Variants in ZNF708 observed in about 807,000 individuals in gnomAD.
ZNF708 encodes the protein zinc finger protein 708.
Under a neutral mutation model 47.0 loss-of-function variants are expected in ZNF708, and 44 were observed. That is an observed-to-expected ratio of 0.94 (90% confidence interval 0.74 to 1.20). The LOEUF is 1.20. ZNF708 is among the 50% of genes most tolerant of loss of function. ZNF708 has a pLI of 0.00. For synonymous variants in ZNF708, 184 were observed against 218.5 expected, an observed-to-expected ratio of 0.84 and a Z score of 1.39; for missense variants, 557 against 656.0, an observed-to-expected ratio of 0.85 and a Z score of 1.65.
At chr19:21,300,354 A>T (rs1211316915) in intron 3 of ZNF708, among the ~76,000 whole-genome samples, 1 of 152,024 alleles carries the variant, frequency 6.6e-6, no homozygotes. Flanking sequence ...TAAAAATACA[A>T]AATTAGTCAG....
At chr19:21,296,048 T>A (rs1323504470) in intron 3 of ZNF708, among the ~76,000 whole-genome samples, 2 of 151,748 alleles carry the variant, frequency 1.3e-5, no homozygotes, top group Non-Finnish European at 2.9e-5. Flanking sequence ...AAGAAGAGAA[T>A]CTTGGGAGCT....
At chr19:21,313,413 G>C (rs1568352201) in intron 1 of ZNF708, among the ~76,000 whole-genome samples, 1 of 151,918 alleles carries the variant, frequency 6.6e-6, no homozygotes, top group African/African-American at 2.4e-5. Flanking sequence ...TTTAGATAAA[G>C]AGCCCAGCAT....
intron 1 of ZNF708, among the ~76,000 whole-genome samples, chr19:21,317,244 CACTCCAGCCTGGGCA>C (rs574416439): frequency 1.3e-5 from 2 of 152,160 alleles, no homozygotes; most frequent in East Asian, 3.9e-4. Flanking sequence ...CATGCCACTG[CACTCCAGCCTGGGCA>C]ATGCAGTGAG....
At chr19:21,302,922 A>G (rs1277346751) in intron 3 of ZNF708, among the ~76,000 whole-genome samples, 4 of 152,116 alleles carry the variant, frequency 2.6e-5, no homozygotes, top group Admixed American at 6.6e-5. Context: ...TAAAACTGGT[A>G]ATAGCAACTC....
At chr19:21,304,861 A>C (rs1599675204) in intron 3 of ZNF708, among the ~76,000 whole-genome samples, 2 of 152,292 alleles carry the variant, frequency 1.3e-5, no homozygotes, top group East Asian at 3.9e-4. Context: ...CAACAGAGTA[A>C]TATCCTGTCT....
intron 3 of ZNF708, among the ~76,000 whole-genome samples, chr19:21,296,091 G>C (rs933930197): frequency 4.0e-5 from 6 of 151,878 alleles, no homozygotes; most frequent in African/African-American, 1.2e-4. Context: ...TTATAAAAAT[G>C]TCTTATGAGA....
rs765596550 is a variant in ZNF708 at position 21,294,241 on chromosome 19, TG to T, written c.724del (p.His242IlefsTer3). On this transcript the variant is annotated frameshift_variant, in exon 4 of 4. Transcript: ENST00000356929. LOFTEE classifies it high-confidence loss of function. The stretch of plus-strand genomic sequence containing the variant: ...TTTCTCTCCAGTATGAATTATCTTA[TG>T]TCTAGTAAGAGTTGAGGACTGGTTA... ...AFNQSSTLTR[H>X]KIIHTGEKLY... The T allele has an allele frequency of 7.4e-6, 12 of 1,612,956 alleles. No individual in the cohort carries two copies.
At chr19:21,297,281 T>C (rs1372688208) in intron 3 of ZNF708, among the ~76,000 whole-genome samples, 1 of 31,068 alleles carries the variant, frequency 3.2e-5, no homozygotes, top group Non-Finnish European at 6.5e-5. Flanking sequence ...TTTTTTTTTT[T>C]TTTTTTTTTT....
In ZNF708 at chr19:21,293,291, G is replaced by A. The variant is rs1195866265; in HGVS notation, c.1675C>T (p.Pro559Ser). The A allele has an allele frequency of 3.7e-6, 6 of 1,607,096 alleles. No individual in the cohort carries two copies. Among genetic ancestry groups the A allele is most frequent in the Non-Finnish European group, 5.1e-6 (6 of 1,177,534 alleles). Residue 559 changes from proline to serine, a missense_variant, in exon 4 of 4, where the codon CCC becomes TCC. By Grantham distance (74) the Pro-to-Ser change is moderately conservative (BLOSUM62 -1). Coordinates refer to ENST00000356929, the MANE Select transcript of ZNF708 (RefSeq NM_021269.3). ...TTGACACATTATTTACATTTGTAGG[G>A]TTTCTCTTTGGTATGAATTCTCTTA... The part of the protein sequence containing the change: ...KHKRIHTKEK[P>S]YKCK
At position 21,294,124 on chromosome 19, in the gene ZNF708, T is replaced by C; in HGVS notation, c.842A>G (p.Lys281Arg). ...AAAAGCTTTGCCACATTCTTCACAT[T>C]TGTAGGGTTTCTCTCCAGTATGAAC... ...KIVHTGEKPY[K>R]CEECGKAFKQ... The change falls in exon 4 of 4, where the codon AAA becomes AGA. Residue 281 changes from lysine (K) to arginine (R), a missense_variant. Lys to Arg is a conservative substitution (Grantham distance 26). Coordinates refer to ENST00000356929, the MANE Select transcript of ZNF708 (RefSeq NM_021269.3). 6.2e-7 allele frequency: 1 copy of C among 1,613,056 alleles called. No homozygotes were observed.
intron 1 of ZNF708, among the ~76,000 whole-genome samples, chr19:21,326,688 T>C (rs1973262041): frequency 6.6e-6 from 1 of 152,164 alleles, no homozygotes; most frequent in Non-Finnish European, 1.5e-5. Flanking sequence ...CCCAACACTT[T>C]GGGAGGCCAT....
Position 21,292,981 on chromosome 19 carries a change from A to T in ZNF708, c.*293T>A. 3.6e-6 allele frequency: 1 copy of T among 278,922 alleles called. No homozygotes were observed. The highest frequency in any genetic ancestry group is 6.9e-6 in the Non-Finnish European group (1 of 145,842). 17.3% of individuals were successfully genotyped at this position (278,922 alleles called of 1,614,324 possible). On this transcript the variant is annotated 3_prime_UTR_variant, in exon 4 of 4. Coordinates refer to ENST00000356929, the MANE Select transcript of ZNF708 (RefSeq NM_021269.3). The stretch of plus-strand genomic sequence containing the variant: ...GTTCCTCACCAGTATGATTTATTTT[A>T]TGTTTAGAAAAGTTTGAGGTGTTGT...
At chr19:21,325,911 T>C (rs1973247005) in intron 1 of ZNF708, among the ~76,000 whole-genome samples, 1 of 152,030 alleles carries the variant, frequency 6.6e-6, no homozygotes, top group South Asian at 2.1e-4. Context: ...AGGATATGAA[T>C]AAACAATTCT....
chr19:21,329,184 C>A (rs1226729125), intron 1 of ZNF708, 26 bp downstream of exon 1: 1 of 1,612,010 alleles, frequency 6.2e-7, no homozygotes, highest in Admixed American at 1.7e-5. Flanking sequence ...CTTCCCCTCT[C>A]TCGGGATGTC....
In ZNF708 at chr19:21,293,265, T is replaced by C. The variant is rs759200177; in HGVS notation, c.*9A>G. 1 of 1,597,474 alleles carries C rather than the reference T, an allele frequency of 6.3e-7. No individual in the cohort carries two copies. The highest frequency in any genetic ancestry group is 8.5e-7 in the Non-Finnish European group (1 of 1,173,788). On this transcript the variant is annotated 3_prime_UTR_variant, in exon 4 of 4. Coordinates refer to ENST00000356929, the MANE Select transcript of ZNF708 (RefSeq NM_021269.3). ...TAAAAGTTGAAAATACACTAAAGGA[T>C]TTGACACATTATTTACATTTGTAGG...
intron 1 of ZNF708, among the ~76,000 whole-genome samples, chr19:21,313,544 G>A (rs1568352247): frequency 6.6e-6 from 1 of 152,034 alleles, no homozygotes; most frequent in Admixed American, 6.6e-5. Context: ...CAGATCATGA[G>A]GTCAGGAGTT....
chr19:21,312,286 T>A (rs1320208928), intron 1 of ZNF708, among the ~76,000 whole-genome samples: 1 of 74,066 alleles, frequency 1.4e-5, no homozygotes, highest in Non-Finnish European at 2.8e-5. Context: ...AGAGCGACAC[T>A]CCATCTCAAA....
chr19:21,293,042 C>T lies in ZNF708; in HGVS notation c.*232G>A, dbSNP rs1972426975. The T allele has an allele frequency of 2.0e-6, 1 of 506,892 alleles. No homozygotes were observed. Among genetic ancestry groups the T allele is most frequent in the Non-Finnish European group, 3.4e-6 (1 of 291,238 alleles). The allele number at this position is 506,892 out of a possible 1,614,324, so 31.4% of individuals were successfully genotyped here. A position where few individuals can be genotyped will look rare whatever the true frequency, so the allele number is the denominator to read the frequency against. ...GTGATGTCTTCCAGCTTTGTAGTTT[C>T]TCTCCAGTTTAAGTTTTTTTATGTT... On this transcript the variant is annotated 3_prime_UTR_variant, in exon 4 of 4. Transcript: ENST00000356929.
At chr19:21,328,948 G>C (rs1192772904) in intron 1 of ZNF708, among the ~76,000 whole-genome samples, 1 of 152,148 alleles carries the variant, frequency 6.6e-6, no homozygotes, top group Non-Finnish European at 1.5e-5. Context: ...GAGGCGCGGC[G>C]CTGCCGGTGC....
Sources: gnomAD v4.1 joint callset for allele counts (sites outside exome capture counted in the v4.1 genomes callset) on GRCh38, gnomAD v4.1.1 for gene constraint, MANE v1.5 for transcripts, NCBI Gene and HGNC (gene_info 2026-07-23, HGNC 2026-07-21) for gene names.